The following AUTS2 variants were observed in gnomAD, a reference collection of about 807,000 sequenced individuals.
AUTS2 encodes the protein activator of transcription and developmental regulator AUTS2, also known as autism susceptibility gene 2 protein.
AUTS2 carries 17 observed loss-of-function variants against 112.4 expected under a neutral mutation model. The observed-to-expected ratio is 0.15, with a 90% CI of 0.10 to 0.23. AUTS2 has a LOEUF of 0.23. Ranked by LOEUF, AUTS2 falls within the 10% of genes least tolerant of loss-of-function variation. AUTS2 has a pLI of 1.00. For missense variants in AUTS2, 1,510 were observed against 1,701.6 expected (o/e 0.89, Z 1.98); for synonymous variants, 751 against 702.7 (o/e 1.07, Z -1.09).
At chr7:70,324,994 G>C (rs1276299931) in intron 4 of AUTS2, among the ~76,000 whole-genome samples, 2 of 152,162 alleles carry the variant, frequency 1.3e-5, no homozygotes, top group Admixed American at 1.3e-4. Context: ...GTGAGGCCCA[G>C]TGAAAACCCA....
intron 1 of AUTS2, among the ~76,000 whole-genome samples, chr7:69,847,914 T>A (rs1033709419): frequency 2.0e-4 from 31 of 152,230 alleles, no homozygotes; most frequent in Non-Finnish European, 1.0e-4. Flanking sequence ...CTTTTATCAC[T>A]TCCCAGTTTC....
At chr7:70,115,603 A>G (rs928490228) in intron 2 of AUTS2, among the ~76,000 whole-genome samples, 1 of 152,230 alleles carries the variant, frequency 6.6e-6, no homozygotes, top group Admixed American at 6.5e-5. Context: ...TCATTACTTC[A>G]TGTCAAATGT....
At chr7:70,222,256 C>T (rs1235936288) in intron 4 of AUTS2, among the ~76,000 whole-genome samples, 4 of 152,126 alleles carry the variant, frequency 2.6e-5, no homozygotes, top group Admixed American at 6.5e-5. Flanking sequence ...TTATTTCTTA[C>T]CTCTTACTGT....
intron 1 of AUTS2, among the ~76,000 whole-genome samples, chr7:69,896,754 A>G (rs926419328): frequency 2.6e-5 from 4 of 152,184 alleles, no homozygotes; most frequent in African/African-American, 9.7e-5. Flanking sequence ...GATTACTGAG[A>G]TGAACTACTT....
intron 3 of AUTS2, among the ~76,000 whole-genome samples, chr7:70,123,736 T>C (rs1805812268): frequency 1.3e-5 from 2 of 152,236 alleles, no homozygotes; most frequent in South Asian, 2.1e-4. Context: ...AAATTTTCTT[T>C]ATCCAATCTG....
chr7:70,303,434 G>GCACACACACACA (rs1427875852), intron 4 of AUTS2, among the ~76,000 whole-genome samples: 4,640 of 141,932 alleles, frequency 0.033, 106 homozygotes, highest in African/African-American at 0.05. Context: ...GCGCGCGCGC[G>GCACACACACACA]CACATACACA....
intron 5 of AUTS2, among the ~76,000 whole-genome samples, chr7:70,685,939 G>C (rs971911559): frequency 2.0e-5 from 3 of 152,120 alleles, no homozygotes; most frequent in African/African-American, 7.2e-5. Flanking sequence ...ATGCCCGGGA[G>C]CCCATGGCTA....
At chr7:70,543,805 A>G (rs1263468099) in intron 5 of AUTS2, among the ~76,000 whole-genome samples, 1 of 152,314 alleles carries the variant, frequency 6.6e-6, no homozygotes, top group South Asian at 2.1e-4. Context: ...TCTAACAGGT[A>G]TGGGAGTGCT....
intron 4 of AUTS2, among the ~76,000 whole-genome samples, chr7:70,416,807 A>G (rs1258238509): frequency 1.3e-5 from 2 of 152,116 alleles, no homozygotes; most frequent in East Asian, 1.9e-4. Flanking sequence ...CTGGGAAGAC[A>G]TGATTGCAGC....
At chr7:70,590,839 C>T (rs1366910527) in intron 5 of AUTS2, among the ~76,000 whole-genome samples, 3 of 152,090 alleles carry the variant, frequency 2.0e-5, no homozygotes, top group Non-Finnish European at 4.4e-5. Context: ...TGGCCTTTTT[C>T]GTGTTGTTTT....
intron 5 of AUTS2, among the ~76,000 whole-genome samples, chr7:70,585,572 C>A (rs1302513861): frequency 2.0e-5 from 3 of 152,210 alleles, no homozygotes; most frequent in Admixed American, 6.5e-5. Flanking sequence ...AACATAGGAA[C>A]TGATCTGCCA....
At chr7:69,603,499 G>A (rs1034942743) in intron 1 of AUTS2, among the ~76,000 whole-genome samples, 1 of 152,134 alleles carries the variant, frequency 6.6e-6, no homozygotes, top group African/African-American at 2.4e-5. Flanking sequence ...GAAAGCTTTA[G>A]GGGTAGTTTG....
chr7:70,195,373 AC>A (rs1192772273), intron 4 of AUTS2, among the ~76,000 whole-genome samples: 1 of 152,150 alleles, frequency 6.6e-6, no homozygotes, highest in Non-Finnish European at 1.5e-5. Flanking sequence ...CTGGACAGGC[AC>A]GGTGGCTCAC....
intron 4 of AUTS2, among the ~76,000 whole-genome samples, chr7:70,176,015 C>T (rs997683621): frequency 5.6e-4 from 86 of 152,238 alleles, no homozygotes; most frequent in African/African-American, 1.9e-3. Flanking sequence ...GACTATCTCA[C>T]ATAAAGGCTG....
chr7:70,758,370 C>G (rs117833755), intron 6 of AUTS2, among the ~76,000 whole-genome samples: 1 of 152,134 alleles, frequency 6.6e-6, no homozygotes, highest in Non-Finnish European at 1.5e-5. Context: ...TAAACCTCCA[C>G]AGAGGTTGTA....
intron 1 of AUTS2, among the ~76,000 whole-genome samples, chr7:69,757,268 C>G (rs146681729): frequency 2.0e-5 from 3 of 152,252 alleles, no homozygotes; most frequent in Non-Finnish European, 4.4e-5. Context: ...CATGATTGAT[C>G]AGAAGAAGTT....
chr7:70,404,368 G>T (rs919037732), intron 4 of AUTS2, among the ~76,000 whole-genome samples: 1 of 152,006 alleles, frequency 6.6e-6, no homozygotes, highest in Admixed American at 6.5e-5. Context: ...TATCTCTCTG[G>T]CTTCAAGGTG....
intron 1 of AUTS2, among the ~76,000 whole-genome samples, chr7:69,703,825 G>GT (rs1255954310): frequency 6.6e-6 from 1 of 152,206 alleles, no homozygotes; most frequent in African/African-American, 2.4e-5. Context: ...GTTTGGTCAT[G>GT]TTTTGCTAGC....
In AUTS2 at chr7:70,107,335, CTT is replaced by C. The variant is rs35066322; in HGVS notation, c.523-10775_523-10774del. Among the ~76,000 whole-genome samples the C allele has an allele frequency of 5.1e-3, 492 of 96,902 alleles. 1 individual carries two copies. The highest frequency in any genetic ancestry group is 0.022 in the Middle Eastern group (3 of 136). 63.6% of individuals were successfully genotyped at this position (96,902 alleles called of 152,430 possible). A position where few individuals can be genotyped will look rare whatever the true frequency, so the allele number is the denominator to read the frequency against. ...TTACTGGCCAATCCCAGATGAGAAG[CTT>C]TTTTTTTTTTTTTTTTTTTTTCTTT... On this transcript the variant is annotated intron_variant, in intron 2 of 18. Transcript: ENST00000342771.
Sources: gnomAD v4.1 joint callset for allele counts (sites outside exome capture counted in the v4.1 genomes callset) on GRCh38, gnomAD v4.1.1 for gene constraint, MANE v1.5 for transcripts, NCBI Gene and HGNC (gene_info 2026-07-23, HGNC 2026-07-21) for gene names.